SUPT6H: variants seen among roughly 807,000 people sequenced by gnomAD.
SUPT6H encodes the protein transcription elongation factor SPT6.
SUPT6H carries 11 observed loss-of-function variants against 222.3 expected under a neutral mutation model. The observed-to-expected ratio is 0.05, with a 90% CI of 0.03 to 0.08. The LOEUF is 0.08. SUPT6H is among the 10% of genes least tolerant of loss of function. The pLI is 1.00. For missense variants in SUPT6H, 1,422 were observed against 2,216.0 expected, an observed-to-expected ratio of 0.64 and a Z score of 7.19; for synonymous variants, 762 against 801.2, an observed-to-expected ratio of 0.95 and a Z score of 0.83.
intron 23 of SUPT6H, 116 bp downstream of exon 23, chr17:28,687,587 A>G (rs921569715): frequency 1.4e-5 from 17 of 1,191,632 alleles, no homozygotes; most frequent in African/African-American, 3.1e-5. Flanking sequence ...ACTTGTCCAA[A>G]ATCACTCAGC....
At chr17:28,691,301 G>C (rs1014120260) in intron 27 of SUPT6H, 1 of 452,070 alleles carries the variant, frequency 2.2e-6, no homozygotes, top group Non-Finnish European at 4.0e-6. Context: ...CAAGGTGGGC[G>C]GTTCATCTGA....
Position 28,676,384 on chromosome 17 carries a change from A to G in SUPT6H, c.851A>G (p.Asp284Gly). The change falls in exon 7 of 37, where the codon GAT (aspartate) becomes GGT (glycine). Residue 284 changes from aspartate to glycine, a missense_variant. Asp to Gly is a moderately conservative substitution (Grantham distance 94). Coordinates refer to ENST00000314616, the MANE Select transcript of SUPT6H (RefSeq NM_003170.5). ...PSELESSHLT[D>G]QDNEIRATDL... ...GAGCTAGAAAGCAGCCACCTCACAGATCAGGACAATGAAATCCGAGCCACT... is the reference window on the plus strand; with the variant it reads ...GAGCTAGAAAGCAGCCACCTCACAGGTCAGGACAATGAAATCCGAGCCACT... 6.2e-7 allele frequency: 1 copy of G among 1,613,968 alleles called. No homozygotes were observed. Among genetic ancestry groups the G allele is most frequent in the Non-Finnish European group, 8.5e-7 (1 of 1,180,030 alleles).
chr17:28,686,885 A>G, intron 21 of SUPT6H, 96 bp downstream of exon 21: 1 of 1,494,642 alleles, frequency 6.7e-7, no homozygotes, highest in Admixed American at 2.3e-5. Flanking sequence ...GGGGCACAGG[A>G]CTGTACCTGT....
chr17:28,690,765 C>T (rs2031603228), intron 26 of SUPT6H, among the ~76,000 whole-genome samples, 156 bp from the exon 27 acceptor site: 2 of 152,130 alleles, frequency 1.3e-5, no homozygotes, highest in African/African-American at 4.8e-5. Context: ...CAGAGCAAGA[C>T]TTCATCTCAA....
chr17:28,701,182 C>T (rs2032115208), intron 36 of SUPT6H, 54 bp downstream of exon 36: 1 of 1,548,256 alleles, frequency 6.5e-7, no homozygotes, highest in African/African-American at 1.4e-5. Flanking sequence ...CAGGTGTTGT[C>T]AAGAGGCCGA....
At chr17:28,672,172 T>C (rs1476426823) in intron 1 of SUPT6H, among the ~76,000 whole-genome samples, 1 of 152,240 alleles carries the variant, frequency 6.6e-6, no homozygotes, top group African/African-American at 2.4e-5. Flanking sequence ...GTATGAATAG[T>C]GTATGTAAAC....
At chr17:28,689,959 G>T in intron 25 of SUPT6H, 123 bp from the exon 26 acceptor site, 1 of 1,276,592 alleles carries the variant, frequency 7.8e-7, no homozygotes, top group South Asian at 1.6e-5. Flanking sequence ...TTGATGGAAA[G>T]AAAAGAAGAA....
At chr17:28,682,160 A>C in intron 13 of SUPT6H, 180 bp downstream of exon 13, 2 of 519,494 alleles carry the variant, frequency 3.8e-6, no homozygotes, top group Non-Finnish European at 3.4e-6. Flanking sequence ...CCCGCCCGAC[A>C]TGATGGTTCA....
chr17:28,685,285 C>A (rs1270488996), intron 19 of SUPT6H, among the ~76,000 whole-genome samples: 1 of 152,102 alleles, frequency 6.6e-6, no homozygotes, highest in African/African-American at 2.4e-5. Flanking sequence ...CCAGCCTTTT[C>A]CCTGCTTTAG....
chr17:28,675,818 C>T (rs920473014), intron 6 of SUPT6H, among the ~76,000 whole-genome samples: 9 of 152,180 alleles, frequency 5.9e-5, no homozygotes, highest in Non-Finnish European at 1.2e-4. Context: ...ATGCCCGCAT[C>T]ACAATTTACA....
At chr17:28,681,451 A>G (rs770756168) in intron 12 of SUPT6H, 47 bp downstream of exon 12, 2 of 1,546,012 alleles carry the variant, frequency 1.3e-6, no homozygotes, top group Non-Finnish European at 1.7e-6. Context: ...GCCATGCATG[A>G]TGGCTCACGC....
intron 27 of SUPT6H, among the ~76,000 whole-genome samples, chr17:28,692,783 C>T (rs1312404388): frequency 6.1e-5 from 9 of 147,406 alleles, no homozygotes; most frequent in African/African-American, 1.8e-4. Context: ...AGGTGGATCA[C>T]GAGGTCAGGA....
chr17:28,671,254 A>G (rs1293445203), intron 1 of SUPT6H: 1 of 152,206 alleles, frequency 6.6e-6, no homozygotes, highest in Non-Finnish European at 1.5e-5. Context: ...TTTAACAGAC[A>G]CTTAACAGTT....
At chr17:28,682,157 G>A (rs989915452) in intron 13 of SUPT6H, 177 bp downstream of exon 13, 20 of 516,586 alleles carry the variant, frequency 3.9e-5, no homozygotes, top group Non-Finnish European at 5.9e-5. Flanking sequence ...ATTCCCGCCC[G>A]ACATGATGGT....
At position 28,681,043 on chromosome 17, in the gene SUPT6H, C is replaced by T. The variant is rs574882568; in HGVS notation, c.1350-213C>T. ...ACAGTTCGCGGCAGCCTCAACCGCC[C>T]GGGTTCAAGTGATCATCCCATCTCC... On this transcript the variant is annotated intron_variant, in intron 11 of 36. Coordinates refer to ENST00000314616, the MANE Select transcript of SUPT6H (RefSeq NM_003170.5). 6.3e-5 allele frequency: 32 copies of T among 511,040 alleles called. 1 individual carries two copies. Among genetic ancestry groups the T allele is most frequent in the Admixed American group, 2.5e-4 (7 of 27,944 alleles). The allele number at this position is 511,040 out of a possible 1,614,324, so 31.7% of individuals were successfully genotyped here.
intron 11 of SUPT6H, chr17:28,681,024 C>T (rs909370112): frequency 4.7e-5 from 22 of 469,616 alleles, no homozygotes; most frequent in Admixed American, 1.1e-4. Context: ...GGTCACAGTT[C>T]GCGGCAGCCT....
rs765305094 is a variant in SUPT6H at position 28,697,718 on chromosome 17, C to T, written c.4308C>T (p.Ser1436=). 23 of 1,614,156 alleles carry T rather than the reference C, an allele frequency of 1.4e-5. No homozygotes were observed. In the South Asian group the frequency reaches 1.6e-4, roughly 12 times the overall value. The stretch of plus-strand genomic sequence containing the variant: ...ATCACAAGTATTATCAGGACTGCAG[C>T]GGTGGGGACCGCAAGGTAAGCCCAG... ...LLNHKYYQDC[S]GGDRKKLEEL... is the part of the protein sequence containing the mutation. The change falls in exon 31 of 37, where the codon AGC becomes AGT. Residue 1436 remains serine (S), a synonymous_variant. Coordinates refer to ENST00000314616, the MANE Select transcript of SUPT6H (RefSeq NM_003170.5).
intron 36 of SUPT6H, 117 bp downstream of exon 36, chr17:28,701,245 A>T: frequency 1.4e-6 from 2 of 1,437,764 alleles, no homozygotes. Context: ...TGACCACATG[A>T]TATGCCAGGA....
At chr17:28,664,569 C>G (rs1254364974) in intron 1 of SUPT6H, among the ~76,000 whole-genome samples, 1 of 152,202 alleles carries the variant, frequency 6.6e-6, no homozygotes, top group Non-Finnish European at 1.5e-5. Context: ...TACATGCTTC[C>G]CTTTAGGTAA....
Sources: allele counts gnomAD v4.1 joint callset (sites outside exome capture counted in the v4.1 genomes callset), GRCh38; gene constraint gnomAD v4.1.1; transcripts MANE v1.5; gene names NCBI Gene and HGNC (gene_info 2026-07-23, HGNC 2026-07-21).